The following PRKD1 variants were observed in gnomAD, a reference collection of about 807,000 sequenced individuals.
The protein encoded by PRKD1 is protein kinase D1.
A neutral mutation model predicts 95.9 loss-of-function variants in PRKD1; 63 were observed. That is an observed-to-expected ratio of 0.66 (90% CI 0.54 to 0.81). The LOEUF is 0.81. PRKD1 is among the 30% of genes least tolerant of loss of function. The pLI is 0.00. For synonymous variants in PRKD1, 425 were observed against 423.1 expected (o/e 1.00, Z -0.05); for missense variants, 1,048 against 1,165.3 (o/e 0.90, Z 1.47).
intron 16 of PRKD1, among the ~76,000 whole-genome samples, chr14:29,590,548 T>C (rs998136107): frequency 5.9e-5 from 9 of 152,196 alleles, no homozygotes; most frequent in African/African-American, 1.9e-4. Flanking sequence ...ATTCCTGGTG[T>C]TGTAGAAGTT....
intron 1 of PRKD1, among the ~76,000 whole-genome samples, chr14:29,866,021 A>C (rs1892889207): frequency 6.6e-6 from 1 of 152,224 alleles, no homozygotes; most frequent in South Asian, 2.1e-4. Context: ...AAAAATCTAT[A>C]ATTTTGCATT....
chr14:29,674,737 C>A (rs1347633731), intron 2 of PRKD1, among the ~76,000 whole-genome samples: 1 of 152,090 alleles, frequency 6.6e-6, no homozygotes, highest in East Asian at 1.9e-4. Context: ...TACAAATTAC[C>A]TTTAAACTTC....
intron 1 of PRKD1, among the ~76,000 whole-genome samples, chr14:29,826,203 A>AAT (rs1307254187): frequency 1.5e-5 from 2 of 130,172 alleles, no homozygotes; most frequent in Middle Eastern, 4.5e-3. Flanking sequence ...TATATGATGG[A>AAT]ATATATATAT....
Position 29,581,572 on chromosome 14 carries a change from T to TA in PRKD1, c.2435-3213dup, listed in dbSNP as rs375918130. Among the ~76,000 whole-genome samples the TA allele has an allele frequency of 2.9e-3, 448 of 152,296 alleles. 2 individuals carry two copies. Among genetic ancestry groups the TA allele is most frequent in the African/African-American group, 0.01 (420 of 41,566 alleles). ...GACTGGAATTCAAAGCCTGTGCTCTTAAACACTATGGCAGACTGCAGCCAT... is the reference window on the plus strand; with the variant it reads ...GACTGGAATTCAAAGCCTGTGCTCTTAAAACACTATGGCAGACTGCAGCCAT... On this transcript the variant is annotated intron_variant, in intron 16 of 17. Transcript: ENST00000331968.
chr14:29,630,833 A>T lies in PRKD1; in HGVS notation c.1581T>A (p.Asp527Glu). 1 of 1,614,160 alleles carries T rather than the reference A, an allele frequency of 6.2e-7. No homozygotes were observed. Residue 527 changes from aspartate to glutamate, a missense_variant, in exon 10 of 18, where the codon GAT becomes GAA. By Grantham distance (45) the Asp-to-Glu change is conservative (BLOSUM62 2). Coordinates refer to ENST00000331968, the MANE Select transcript of PRKD1 (RefSeq NM_002742.3). Reference sequence around the variant, plus strand: ...TGGCTATCTCCCACATCCTGGCCACATCTGCACCAACGCCACTGGTGAGAA... The same window carrying T: ...TGGCTATCTCCCACATCCTGGCCACTTCTGCACCAACGCCACTGGTGAGAA... Reference protein sequence around the residue: ...NSVLTSGVGADVARMWEIAIQ... With the variant: ...NSVLTSGVGAEVARMWEIAIQ...
chr14:29,689,477 AAAC>A (rs1294773312), intron 2 of PRKD1, among the ~76,000 whole-genome samples: 1 of 152,132 alleles, frequency 6.6e-6, no homozygotes, highest in Non-Finnish European at 1.5e-5. Context: ...AAAAAACAAG[AAAC>A]AACAAGGTTG....
At chr14:29,708,558 T>C (rs1365538041) in intron 2 of PRKD1, among the ~76,000 whole-genome samples, 1 of 152,170 alleles carries the variant, frequency 6.6e-6, no homozygotes, top group Non-Finnish European at 1.5e-5. Context: ...AGAATATTTA[T>C]TTAAGAAAAA....
At chr14:29,704,225 T>G (rs1884973279) in intron 2 of PRKD1, among the ~76,000 whole-genome samples, 1 of 151,856 alleles carries the variant, frequency 6.6e-6, no homozygotes, top group African/African-American at 2.4e-5. Context: ...GACCCATGAC[T>G]CAGAAATAAA....
At chr14:29,793,463 C>T (rs928434075) in intron 1 of PRKD1, among the ~76,000 whole-genome samples, 9 of 152,100 alleles carry the variant, frequency 5.9e-5, no homozygotes, top group African/African-American at 1.4e-4. Flanking sequence ...AGATACTGTG[C>T]GCTCTAAATC....
At chr14:29,665,936 T>C (rs1882473049) in intron 3 of PRKD1, 141 bp downstream of exon 3, 6 of 853,850 alleles carry the variant, frequency 7.0e-6, no homozygotes, top group Admixed American at 2.6e-5. Flanking sequence ...TATATATATG[T>C]ATATATGTAC....
At chr14:29,905,799 C>T (rs45554832) in intron 1 of PRKD1, among the ~76,000 whole-genome samples, 10,468 of 152,174 alleles carry the variant, frequency 0.069, 367 homozygotes, top group South Asian at 0.099. Context: ...ATTTGGGAAA[C>T]GACAGATTAA....
intron 6 of PRKD1, 123 bp downstream of exon 6, chr14:29,638,366 T>A: frequency 1.1e-6 from 1 of 934,884 alleles, no homozygotes; most frequent in East Asian, 2.5e-5. Flanking sequence ...TGGCCATAAT[T>A]TACTTTAGAC....
chr14:29,610,220 A>T (rs1878358291), intron 13 of PRKD1, among the ~76,000 whole-genome samples: 1 of 152,222 alleles, frequency 6.6e-6, no homozygotes, highest in Non-Finnish European at 1.5e-5. Context: ...AAAATGAGAA[A>T]AAAAGCCACA....
At chr14:29,593,890 T>A (rs990016766) in intron 16 of PRKD1, among the ~76,000 whole-genome samples, 9 of 152,184 alleles carry the variant, frequency 5.9e-5, no homozygotes, top group African/African-American at 2.2e-4. Flanking sequence ...TTAGCAGGAA[T>A]AATTAATGAG....
intron 2 of PRKD1, among the ~76,000 whole-genome samples, chr14:29,711,635 G>C (rs186192863): frequency 1.3e-5 from 2 of 152,040 alleles, no homozygotes; most frequent in African/African-American, 4.8e-5. Flanking sequence ...CAAGCAAAAC[G>C]TATCAATCAT....
In PRKD1 at chr14:29,886,083, G is replaced by A. The variant is rs568950132; in HGVS notation, c.264+41166C>T. Among the ~76,000 whole-genome samples the A allele has an allele frequency of 2.1e-4, 32 of 152,276 alleles. No homozygotes were observed. The South Asian group carries it at 4.8e-3, about 23-fold the overall frequency. On this transcript the variant is annotated intron_variant, in intron 1 of 17. Coordinates refer to ENST00000331968, the MANE Select transcript of PRKD1 (RefSeq NM_002742.3). ...CGGTATCCACACAAAGCCCCTTCAC[G>A]TAGCAGTGATACGTGTCCAGGAGGA...
chr14:29,757,659 A>C (rs962411968), intron 1 of PRKD1, among the ~76,000 whole-genome samples: 1 of 151,832 alleles, frequency 6.6e-6, no homozygotes, highest in East Asian at 1.9e-4. Flanking sequence ...GTTTTTAAAA[A>C]TAAACCAATT....
intron 1 of PRKD1, among the ~76,000 whole-genome samples, chr14:29,737,040 C>T (rs376419797): frequency 6.6e-6 from 1 of 151,992 alleles, no homozygotes; most frequent in Non-Finnish European, 1.5e-5. Flanking sequence ...TGAAAATACT[C>T]GGCCGGGCGC....
chr14:29,793,889 A>G (rs1408684609), intron 1 of PRKD1, among the ~76,000 whole-genome samples: 2 of 152,214 alleles, frequency 1.3e-5, no homozygotes, highest in East Asian at 1.9e-4. Flanking sequence ...GAAGCAAGCT[A>G]GGGTAGTACC....
Sources: allele counts gnomAD v4.1 joint callset (sites outside exome capture counted in the v4.1 genomes callset), GRCh38; gene constraint gnomAD v4.1.1; transcripts MANE v1.5; gene names NCBI Gene and HGNC (gene_info 2026-07-23, HGNC 2026-07-21).